The following FAIM variants were observed in gnomAD, a reference collection of about 807,000 sequenced individuals.
The protein encoded by FAIM is fas apoptotic inhibitory molecule 1.
FAIM carries 14 observed loss-of-function variants against 21.2 expected under a neutral mutation model. The ratio of observed to expected loss-of-function variants is 0.66; its 90% CI spans 0.44 to 1.03. FAIM has a LOEUF of 1.03. Among genes scored for constraint, FAIM ranks in the 50% least tolerant of loss-of-function variants. The pLI is 0.00. For missense variants in FAIM, 222 were observed against 247.1 expected (o/e 0.90, Z 0.68); for synonymous variants, 86 against 80.4 (o/e 1.07, Z -0.37).
At chr3:138,616,829 T>C (rs1375367729) in intron 1 of FAIM, among the ~76,000 whole-genome samples, 3 of 152,188 alleles carry the variant, frequency 2.0e-5, no homozygotes, top group Admixed American at 6.6e-5. Flanking sequence ...GTAACAAATT[T>C]TATATTGATT....
At position 138,619,001 on chromosome 3, in the gene FAIM, G is replaced by A. The variant is rs139565103; in HGVS notation, c.-16-710G>A. Among the ~76,000 whole-genome samples, 381 of 152,264 alleles carry A rather than the reference G, an allele frequency of 2.5e-3. 1 individual carries two copies. The highest frequency in any genetic ancestry group is 8.9e-3 in the African/African-American group (368 of 41,548). Reference sequence around the variant, plus strand: ...TAGTTCATTGCATAGTACAGTACTGGGCTCTAGTTCTGGGTTGGATCCTGC... The same window carrying A: ...TAGTTCATTGCATAGTACAGTACTGAGCTCTAGTTCTGGGTTGGATCCTGC... On this transcript the variant is annotated intron_variant, in intron 1 of 5. Transcript: ENST00000360570.
At position 138,622,354 on chromosome 3, in the gene FAIM, G is replaced by T. The variant is rs2042896820; in HGVS notation, c.344G>T (p.Arg115Ile). 2 of 1,613,110 alleles carry T rather than the reference G, an allele frequency of 1.2e-6. No individual in the cohort carries two copies. Among genetic ancestry groups the T allele is most frequent in the East Asian group, 4.5e-5 (2 of 44,812 alleles). ...GKSLKKYMED[R>I]SKTTNTWVLH... ...AGTCTCAAGAAGTATATGGAGGACA[G>T]ATCAAAAACCACCAATACTTGGGTA... Residue 115 changes from arginine (R) to isoleucine (I), a missense_variant, in exon 4 of 6, where the codon AGA becomes ATA. Physicochemically the swap from Arg to Ile is moderately conservative, Grantham distance 97. Coordinates refer to ENST00000360570, the MANE Select transcript of FAIM (RefSeq NM_001033031.2).
At chr3:138,611,203 T>C (rs2042764710) in intron 1 of FAIM, among the ~76,000 whole-genome samples, 1 of 152,160 alleles carries the variant, frequency 6.6e-6, no homozygotes, top group Non-Finnish European at 1.5e-5. Context: ...ACAGATGTTA[T>C]CATCTTTTGG....
chr3:138,631,482 GT>G (rs928554029), intron 5 of FAIM, among the ~76,000 whole-genome samples: 23 of 152,152 alleles, frequency 1.5e-4, no homozygotes, highest in Non-Finnish European at 2.6e-4. Flanking sequence ...ACATGTCTTT[GT>G]TTTGTAGTAA....
chr3:138,626,840 C>T (rs999008704), intron 4 of FAIM, among the ~76,000 whole-genome samples: 1 of 152,186 alleles, frequency 6.6e-6, no homozygotes, highest in African/African-American at 2.4e-5. Context: ...TCCCCAGGTT[C>T]TCCAGCAGAA....
intron 4 of FAIM, among the ~76,000 whole-genome samples, chr3:138,628,878 GTTGTT>G (rs1176848948): frequency 1.3e-5 from 2 of 152,062 alleles, no homozygotes. Context: ...CTCTTAAAAG[GTTGTT>G]TTGTTTCATT....
At chr3:138,615,770 C>T (rs374382951) in intron 1 of FAIM, among the ~76,000 whole-genome samples, 1 of 152,112 alleles carries the variant, frequency 6.6e-6, no homozygotes, top group South Asian at 2.1e-4. Flanking sequence ...AGAGTGTTTT[C>T]TATGTGTGCT....
Position 138,619,770 on chromosome 3 carries a change from GGTAAATGTCTT to G in FAIM, c.44+1_44+11del. 6.2e-7 allele frequency: 1 copy of G among 1,612,642 alleles called. No individual in the cohort carries two copies. Among genetic ancestry groups the G allele is most frequent in the South Asian group, 1.1e-5 (1 of 90,808 alleles). ...AGTCCTATCTTTGAAGATGATGAAAGGTAAATGTCTTATATTGCAGTAAACTAGCCTTTGAC... is the reference window on the plus strand; with the variant it reads ...AGTCCTATCTTTGAAGATGATGAAAGATATTGCAGTAAACTAGCCTTTGAC... On this transcript the variant is annotated splice_donor_variant and splice_donor_5th_base_variant and intron_variant, in intron 2 of 5. Coordinates refer to ENST00000360570, the MANE Select transcript of FAIM (RefSeq NM_001033031.2). LOFTEE classifies it high-confidence loss of function.
chr3:138,622,281 G>T lies in FAIM; in HGVS notation c.271G>T (p.Ala91Ser). ...GACAAAAGCGACCATAAATATAGAC[G>T]CTATCAGTGGTTTTGCTTATGAATA... ...AKTKATINID[A>S]ISGFAYEYTL... Residue 91 changes from alanine to serine, a missense_variant, in exon 4 of 6, where the codon GCT (alanine) becomes TCT (serine). By Grantham distance (99) the Ala-to-Ser change is moderately conservative. Coordinates refer to ENST00000360570, the MANE Select transcript of FAIM (RefSeq NM_001033031.2). The T allele has an allele frequency of 1.2e-6, 2 of 1,613,892 alleles. No homozygotes were observed. Among genetic ancestry groups the T allele is most frequent in the Non-Finnish European group, 1.7e-6 (2 of 1,179,964 alleles).
At chr3:138,627,119 C>T (rs1206718854) in intron 4 of FAIM, among the ~76,000 whole-genome samples, 1 of 151,010 alleles carries the variant, frequency 6.6e-6, no homozygotes, top group African/African-American at 2.4e-5. Flanking sequence ...CAGAGTTTGT[C>T]ATTTATTACA....
intron 1 of FAIM, among the ~76,000 whole-genome samples, chr3:138,609,754 T>C (rs560110632): frequency 6.6e-6 from 1 of 151,858 alleles, no homozygotes; most frequent in South Asian, 2.1e-4. Flanking sequence ...AGCGTACAAG[T>C]GGTTTTCAGT....
In FAIM at chr3:138,612,140, A is replaced by G. The variant is rs74976266; in HGVS notation, c.-17+3203A>G. Among the ~76,000 whole-genome samples the G allele has an allele frequency of 3.2e-4, 40 of 125,516 alleles. No homozygotes were observed. In the East Asian group the frequency reaches 4.4e-3, roughly 14 times the overall value. The allele number at this position is 125,516 out of a possible 152,430, so 82.3% of individuals were successfully genotyped here. A position where few individuals can be genotyped will look rare whatever the true frequency, so the allele number is the denominator to read the frequency against. On this transcript the variant is annotated intron_variant, in intron 1 of 5. Coordinates refer to ENST00000360570, the MANE Select transcript of FAIM (RefSeq NM_001033031.2). ...TTTTGAGACGGAGTCTCGCTCTGTC[A>G]CCCAGGCTGGAGTGCAGTGGTGCGA...
At chr3:138,628,623 T>C (rs930160246) in intron 4 of FAIM, among the ~76,000 whole-genome samples, 21 of 152,058 alleles carry the variant, frequency 1.4e-4, no homozygotes, top group Admixed American at 1.4e-3. Context: ...TAGCTGGGAC[T>C]ACAGGCACCC....
intron 2 of FAIM, 186 bp from the exon 3 acceptor site, chr3:138,621,221 T>C: frequency 1.6e-6 from 1 of 611,416 alleles, no homozygotes; most frequent in Non-Finnish European, 2.8e-6. Flanking sequence ...TAGTTGTATC[T>C]TAAAGGAAGA....
intron 5 of FAIM, chr3:138,630,239 G>C (rs1165392108): frequency 2.0e-5 from 3 of 152,160 alleles, no homozygotes; most frequent in Non-Finnish European, 4.4e-5. Context: ...AAGGAGGTCT[G>C]GGATTAATTC....
intron 1 of FAIM, among the ~76,000 whole-genome samples, chr3:138,619,016 T>C (rs2042856871): frequency 1.3e-5 from 2 of 152,228 alleles, no homozygotes; most frequent in Non-Finnish European, 1.5e-5. Context: ...TAGTTCTGGG[T>C]TGGATCCTGC....
In FAIM at chr3:138,622,380, T is replaced by C. The variant is rs2042897236; in HGVS notation, c.370T>C (p.Leu124=). Residue 124 remains leucine, a synonymous_variant, in exon 4 of 6, where the codon TTA becomes CTA. Transcript: ENST00000360570. The part of the protein sequence containing the change: ...DRSKTTNTWV[L]HMDGENFRIV... ...ATCAAAAACCACCAATACTTGGGTA[T>C]TACACATGGATGGTGAGAACTTTAG... 4.3e-6 allele frequency: 7 copies of C among 1,611,478 alleles called. No homozygotes were observed. The highest frequency in any genetic ancestry group is 5.9e-6 in the Non-Finnish European group (7 of 1,179,342).
intron 4 of FAIM, among the ~76,000 whole-genome samples, chr3:138,623,302 G>A (rs2042906978): frequency 6.6e-6 from 1 of 151,826 alleles, no homozygotes; most frequent in South Asian, 2.1e-4. Flanking sequence ...TCTTTTCTTT[G>A]CCCATATTCC....
intron 1 of FAIM, chr3:138,611,065 A>G (rs766006461): frequency 1.5e-5 from 22 of 1,491,984 alleles, no homozygotes; most frequent in Non-Finnish European, 3.7e-6. Flanking sequence ...AGCCTGGTAC[A>G]TAAGTACCCA....
Sources: allele counts gnomAD v4.1 joint callset (sites outside exome capture counted in the v4.1 genomes callset), GRCh38; gene constraint gnomAD v4.1.1; transcripts MANE v1.5; gene names NCBI Gene and HGNC (gene_info 2026-07-23, HGNC 2026-07-21).